Variants in IREB2 observed in about 807,000 individuals in gnomAD.
IREB2 encodes the protein iron-responsive element-binding protein 2.
IREB2 carries 39 observed loss-of-function variants against 118.8 expected under a neutral mutation model. The observed-to-expected ratio is 0.33, with a 90% CI of 0.25 to 0.43. The LOEUF is 0.43. IREB2 is among the 20% of genes least tolerant of loss of function. The probability of loss-of-function intolerance (pLI) is 1.00; values close to 1 mark genes in which losing one functional copy is unlikely to be tolerated. For synonymous variants in IREB2, 372 were observed against 392.2 expected, an observed-to-expected ratio of 0.95 and a Z score of 0.61; for missense variants, 900 against 1,147.3, an observed-to-expected ratio of 0.78 and a Z score of 3.11.
Position 78,488,779 on chromosome 15 carries a change from T to A in IREB2, c.2076+8T>A. 1 of 1,424,952 alleles carries A rather than the reference T, an allele frequency of 7.0e-7. No individual in the cohort carries two copies. Among genetic ancestry groups the A allele is most frequent in the Non-Finnish European group, 9.8e-7 (1 of 1,023,132 alleles). The allele number at this position is 1,424,952 out of a possible 1,614,324, so 88.3% of individuals were successfully genotyped here. On this transcript the variant is annotated splice_region_variant and intron_variant, in intron 16 of 21. Transcript: ENST00000258886. The stretch of plus-strand genomic sequence containing the variant: ...TTAAAAGATAAAATAGAAGTAAGAG[T>A]CTTATGTGTTTCTTAAATAGTTTAA...
At chr15:78,482,000 G>A (rs1012345161) in intron 10 of IREB2, among the ~76,000 whole-genome samples, 2 of 152,180 alleles carry the variant, frequency 1.3e-5, no homozygotes, top group African/African-American at 4.8e-5. Context: ...CCAGCACTTT[G>A]GGAGGCTGAG....
chr15:78,498,532 A>C lies in IREB2; in HGVS notation c.*389A>C, dbSNP rs2051881855. 2 of 154,322 alleles carry C rather than the reference A, an allele frequency of 1.3e-5. No homozygotes were observed. Among genetic ancestry groups the C allele is most frequent in the Admixed American group, 1.3e-4 (2 of 15,346 alleles). 9.6% of individuals were successfully genotyped at this position (154,322 alleles called of 1,614,324 possible). Reference sequence around the variant, plus strand: ...GTGTACTACTGTTTGTTGGTTTAAGAGTAGCAGATTGAAATATAAGAAGCC... The same window carrying C: ...GTGTACTACTGTTTGTTGGTTTAAGCGTAGCAGATTGAAATATAAGAAGCC... On this transcript the variant is annotated 3_prime_UTR_variant, in exon 22 of 22. Transcript: ENST00000258886.
chr15:78,470,513 C>A lies in IREB2; in HGVS notation c.630-19C>A. 2 of 1,554,506 alleles carry A rather than the reference C, an allele frequency of 1.3e-6. No homozygotes were observed. Among genetic ancestry groups the A allele is most frequent in the African/African-American group, 1.4e-5 (1 of 73,640 alleles). On this transcript the variant is annotated intron_variant, in intron 5 of 21. Transcript: ENST00000258886. ...TTTTTGTAATACATACGTTTAATGC[C>A]AGCTCTTCTTCCTTTTAGACCTGAA...
chr15:78,484,080 C>G (rs2051619228), intron 11 of IREB2, among the ~76,000 whole-genome samples: 1 of 152,018 alleles, frequency 6.6e-6, no homozygotes, highest in Non-Finnish European at 1.5e-5. Flanking sequence ...GCCACCGCAC[C>G]TGGCCTACAG....
At chr15:78,490,286 C>CA in intron 16 of IREB2, 136 bp from the exon 17 acceptor site, 3 of 527,728 alleles carry the variant, frequency 5.7e-6, no homozygotes, top group Non-Finnish European at 1.0e-5. Flanking sequence ...ATTTTCTTTC[C>CA]AAATGGATAA....
rs1310220387 is a variant in IREB2, at chr15:78,498,061, T to C, written c.2810T>C (p.Ile937Thr). Residue 937 changes from isoleucine (I) to threonine (T), a missense_variant, in exon 22 of 22, where the codon ATT becomes ACT. Physicochemically the swap from Ile to Thr is moderately conservative, Grantham distance 89. Transcript: ENST00000258886. ...AGCACTGGAAAAGTATTCAGCGTGA[T>C]TGCTTCGTTTGAAGATGATGTGGAA... ...QTSTGKVFSV[I>T]ASFEDDVEIT... is the part of the protein sequence containing the mutation. 1.2e-6 allele frequency: 2 copies of C among 1,613,090 alleles called. No individual in the cohort carries two copies. Among genetic ancestry groups the C allele is most frequent in the Admixed American group, 3.3e-5 (2 of 59,986 alleles).
chr15:78,492,249 C>A (rs1023753827), intron 18 of IREB2, among the ~76,000 whole-genome samples: 1 of 151,900 alleles, frequency 6.6e-6, no homozygotes, highest in Non-Finnish European at 1.5e-5. Flanking sequence ...GTAGCAATAC[C>A]CCCCGCACCC....
intron 3 of IREB2, among the ~76,000 whole-genome samples, chr15:78,463,977 T>C (rs2051239985): frequency 6.6e-6 from 1 of 152,262 alleles, no homozygotes; most frequent in African/African-American, 2.4e-5. Context: ...GATTTTTCTC[T>C]TTCTTTAATA....
intron 13 of IREB2, among the ~76,000 whole-genome samples, chr15:78,487,302 T>TA (rs1428257399): frequency 6.6e-6 from 1 of 152,216 alleles, no homozygotes; most frequent in Non-Finnish European, 1.5e-5. Flanking sequence ...AAGGTCATGT[T>TA]ATATTCCTAG....
In IREB2 at chr15:78,445,144, T is replaced by TA. The variant is rs1567161620; in HGVS notation, c.106+5263_106+5264insA. Among the ~76,000 whole-genome samples, 27 of 151,620 alleles carry TA rather than the reference T, an allele frequency of 1.8e-4. No homozygotes were observed. The South Asian group carries it at 4.6e-3, about 26-fold the overall frequency. Reference sequence around the variant, plus strand: ...TGTTGGTTCCAGTCTTTATTTTTTTTTTTTTTTTTTTGAGACAGAGTCTTG... The same window carrying TA: ...TGTTGGTTCCAGTCTTTATTTTTTTTATTTTTTTTTTTGAGACAGAGTCTTG... On this transcript the variant is annotated intron_variant, in intron 2 of 21. Transcript: ENST00000258886.
rs139610892 is a variant in IREB2 at position 78,484,844 on chromosome 15, G to A, written c.1497G>A (p.Leu499=). The stretch of plus-strand genomic sequence containing the variant: ...ATTATGAAGGAAGTGAATATAAGCT[G>A]TCTCATGGATCAGTGGTCATTGCTG... ...SIHYEGSEYK[L]SHGSVVIAAV... is the part of the protein sequence containing the mutation. The change falls in exon 12 of 22, where the codon CTG becomes CTA. Residue 499 remains leucine, a synonymous_variant. Transcript: ENST00000258886. 1.9e-4 allele frequency: 302 copies of A among 1,613,596 alleles called. No individual in the cohort carries two copies. In the East Asian group the frequency reaches 6.5e-3, roughly 35 times the overall value.
At chr15:78,450,562 G>A (rs2051006101) in intron 2 of IREB2, among the ~76,000 whole-genome samples, 1 of 152,212 alleles carries the variant, frequency 6.6e-6, no homozygotes, top group Non-Finnish European at 1.5e-5. Context: ...GTGTGGGCAT[G>A]CGTTGGGAAA....
Position 78,485,732 on chromosome 15 carries a change from C to G in IREB2, c.1601C>G (p.Ala534Gly), listed in dbSNP as rs753617990. ...AGLLAKKAVE[A>G]GLRVKPYIRT... ...CTTTTGGCTAAAAAGGCTGTTGAAG[C>G]TGGTCTGCGTGTTAAACCTTATATA... is the stretch of plus-strand genomic sequence containing the variant. The change falls in exon 13 of 22, where the codon GCT (alanine) becomes GGT (glycine). Residue 534 changes from alanine (A) to glycine (G), a missense_variant. By Grantham distance (60) the Ala-to-Gly change is moderately conservative. Transcript: ENST00000258886. The G allele has an allele frequency of 1.9e-6, 3 of 1,613,666 alleles. No homozygotes were observed. The highest frequency in any genetic ancestry group is 3.3e-5 in the Admixed American group (2 of 59,942).
At chr15:78,481,368 T>C (rs2051567806) in intron 10 of IREB2, among the ~76,000 whole-genome samples, 1 of 149,810 alleles carries the variant, frequency 6.7e-6, no homozygotes, top group Non-Finnish European at 1.5e-5. Flanking sequence ...ATGCCCGGCT[T>C]TTTTTTTTGA....
At chr15:78,484,159 C>CTT (rs2051620856) in intron 11 of IREB2, among the ~76,000 whole-genome samples, 1 of 152,018 alleles carries the variant, frequency 6.6e-6, no homozygotes. Context: ...TATTTTCTGT[C>CTT]TGAGAATCAC....
intron 1 of IREB2, chr15:78,438,714 T>G: frequency 2.8e-6 from 1 of 355,068 alleles, no homozygotes; most frequent in Non-Finnish European, 5.3e-6. Context: ...CCGCCCCCCA[T>G]TGGCGAGCGA....
rs1269069685 is a variant in IREB2, at chr15:78,498,604, G to A, written c.*461G>A. ...GCCATTGGAATCTCATTTATAAATG[G>A]ACCTTTTAAGTATATTAATTCCTCT... On this transcript the variant is annotated 3_prime_UTR_variant, in exon 22 of 22. Transcript: ENST00000258886. 2.6e-5 allele frequency: 4 copies of A among 153,232 alleles called. No individual in the cohort carries two copies. The highest frequency in any genetic ancestry group is 5.8e-5 in the Non-Finnish European group (4 of 68,570). The allele number at this position is 153,232 out of a possible 1,614,324, so 9.5% of individuals were successfully genotyped here.
rs1675477170 is a variant in IREB2, at chr15:78,500,549, A to G, written c.*2406A>G. On this transcript the variant is annotated 3_prime_UTR_variant, in exon 22 of 22. Transcript: ENST00000258886. ...TAATTTTGTGTTACCAAAAAAAAAA[A>G]AAAAAAAAGGAAGTGTAATGTCAGA... 1 of 152,048 alleles carries G rather than the reference A, an allele frequency of 6.6e-6. No homozygotes were observed. Among genetic ancestry groups the G allele is most frequent in the South Asian group, 2.1e-4 (1 of 4,832 alleles). The allele number at this position is 152,048 out of a possible 1,614,324, so 9.4% of individuals were successfully genotyped here.
chr15:78,448,285 C>G (rs1165102121), intron 2 of IREB2, among the ~76,000 whole-genome samples: 2 of 152,222 alleles, frequency 1.3e-5, no homozygotes, highest in African/African-American at 2.4e-5. Context: ...GCTGGGATTA[C>G]AGGTGCACGC....
Sources: gnomAD v4.1 joint callset for allele counts (sites outside exome capture counted in the v4.1 genomes callset) on GRCh38, gnomAD v4.1.1 for gene constraint, MANE v1.5 for transcripts, NCBI Gene and HGNC (gene_info 2026-07-23, HGNC 2026-07-21) for gene names.